RIMS2: variants seen among roughly 807,000 people sequenced by gnomAD.
RIMS2 encodes regulating synaptic membrane exocytosis 2, also known as regulating synaptic membrane exocytosis protein 2.
In RIMS2, 59 loss-of-function variants were observed where a neutral mutation model predicts 174.4. The ratio of observed to expected loss-of-function variants is 0.34; its 90% CI spans 0.27 to 0.42. RIMS2 has a LOEUF of 0.42. Among genes scored for constraint, RIMS2 ranks in the 10% least tolerant of loss-of-function variants. The pLI, the probability that RIMS2 is intolerant of heterozygous loss-of-function variation, is 1.00. For synonymous variants in RIMS2, 606 were observed against 572.5 expected (o/e 1.06, Z -0.84); for missense variants, 1,620 against 1,666.3 (o/e 0.97, Z 0.48).
At chr8:103,631,027 G>C (rs866383629) in intron 1 of RIMS2, among the ~76,000 whole-genome samples, 6 of 152,106 alleles carry the variant, frequency 3.9e-5, no homozygotes, top group Admixed American at 2.0e-4. Context: ...TTAGATCTTT[G>C]TCAGATGCAT....
chr8:104,173,686 T>C (rs2098846368), intron 19 of RIMS2, among the ~76,000 whole-genome samples: 1 of 124,232 alleles, frequency 8.0e-6, no homozygotes, highest in African/African-American at 3.1e-5. Context: ...TGGAGTGCAG[T>C]GGTGCGATCC....
chr8:103,858,676 CGTGT>C (rs1359547945), intron 3 of RIMS2, among the ~76,000 whole-genome samples: 1 of 143,632 alleles, frequency 7.0e-6, no homozygotes, highest in Non-Finnish European at 1.5e-5. Flanking sequence ...TATATATATA[CGTGT>C]GTGTGTATAT....
At chr8:104,199,693 C>G (rs1377029683) in intron 19 of RIMS2, among the ~76,000 whole-genome samples, 2 of 152,152 alleles carry the variant, frequency 1.3e-5, no homozygotes, top group Non-Finnish European at 2.9e-5. Context: ...TCTTGAAGGA[C>G]AGACAGTATA....
At chr8:103,928,883 A>G (rs1231646738) in intron 11 of RIMS2, among the ~76,000 whole-genome samples, 1 of 151,562 alleles carries the variant, frequency 6.6e-6, no homozygotes, top group African/African-American at 2.4e-5. Context: ...TGGGGGAATC[A>G]ACAGCTATAT....
intron 19 of RIMS2, among the ~76,000 whole-genome samples, chr8:104,051,054 C>T (rs949010349): frequency 4.6e-5 from 7 of 152,016 alleles, no homozygotes; most frequent in African/African-American, 1.7e-4. Context: ...CTGGACAACA[C>T]AGCAAGACCC....
chr8:103,783,045 G>A (rs144467762), intron 3 of RIMS2, among the ~76,000 whole-genome samples: 1 of 152,240 alleles, frequency 6.6e-6, no homozygotes, highest in Non-Finnish European at 1.5e-5. Flanking sequence ...GATCTCTGGA[G>A]GCTGAAATCA....
At position 103,712,703 on chromosome 8, in the gene RIMS2, A is replaced by G. The variant is rs566915937; in HGVS notation, c.387+15407A>G. ...CATCACCAAAACTGCAGGATGGTAA[A>G]ACAGACTGTAGATACAGAAACACAA... On this transcript the variant is annotated intron_variant, in intron 2 of 23. Transcript: ENST00000504942. Among the ~76,000 whole-genome samples the G allele has an allele frequency of 9.2e-5, 14 of 152,360 alleles. No individual in the cohort carries two copies. In the South Asian group the frequency reaches 2.5e-3, roughly 27 times the overall value.
chr8:104,151,177 A>G (rs912902855), intron 19 of RIMS2, among the ~76,000 whole-genome samples: 3 of 152,332 alleles, frequency 2.0e-5, no homozygotes, highest in African/African-American at 7.2e-5. Context: ...GACTGATTGG[A>G]TATGAGGAGG....
intron 1 of RIMS2, among the ~76,000 whole-genome samples, chr8:103,654,809 G>A (rs2135929055): frequency 6.6e-6 from 1 of 151,912 alleles, no homozygotes; most frequent in Admixed American, 6.6e-5. Context: ...TGAATTCCAG[G>A]TATTCATTTT....
chr8:104,052,428 G>A (rs1276898771), intron 19 of RIMS2, among the ~76,000 whole-genome samples: 1 of 152,078 alleles, frequency 6.6e-6, no homozygotes, highest in Non-Finnish European at 1.5e-5. Context: ...TCATGGGTGG[G>A]GTTAGCCTGC....
chr8:103,856,033 T>C (rs1173020192), intron 3 of RIMS2, among the ~76,000 whole-genome samples: 1 of 152,218 alleles, frequency 6.6e-6, no homozygotes, highest in Non-Finnish European at 1.5e-5. Context: ...TGAATCTGGG[T>C]GCTCCAAAAT....
chr8:104,160,028 A>G (rs902428188), intron 19 of RIMS2, among the ~76,000 whole-genome samples: 3 of 152,042 alleles, frequency 2.0e-5, no homozygotes, highest in Non-Finnish European at 4.4e-5. Context: ...AATCCCAGCT[A>G]CTTGGGAGGC....
intron 19 of RIMS2, among the ~76,000 whole-genome samples, chr8:104,159,832 GT>G (rs1378780423): frequency 6.6e-6 from 1 of 152,062 alleles, no homozygotes; most frequent in Non-Finnish European, 1.5e-5. Context: ...CTAGAAGCAG[GT>G]TTTTTCAATC....
At chr8:103,885,815 A>G (rs2099197468) in exon 4 of RIMS2, 3 of 1,612,820 alleles carry the variant, frequency 1.9e-6, no homozygotes, top group South Asian at 2.2e-5. Flanking sequence ...TGCCATGGAA[A>G]ATCAGCGATC....
chr8:103,945,123 A>G (rs2083409778), intron 14 of RIMS2, among the ~76,000 whole-genome samples: 3 of 152,078 alleles, frequency 2.0e-5, no homozygotes, highest in African/African-American at 7.2e-5. Context: ...ATCATATTTG[A>G]TAGAACATAC....
At chr8:104,249,038 C>T (rs572163222) in intron 21 of RIMS2, among the ~76,000 whole-genome samples, 3 of 151,662 alleles carry the variant, frequency 2.0e-5, no homozygotes, top group Admixed American at 6.6e-5. Flanking sequence ...AAGAAATCCT[C>T]CCACCTCATC....
At chr8:103,587,444 G>T (rs181426500) in intron 1 of RIMS2, among the ~76,000 whole-genome samples, 6 of 124,726 alleles carry the variant, frequency 4.8e-5, no homozygotes, top group Admixed American at 1.5e-4. Context: ...AAGAAAGAAA[G>T]AAAGAAAGAA....
chr8:104,143,625 C>A (rs536732653), intron 19 of RIMS2, among the ~76,000 whole-genome samples: 1 of 152,178 alleles, frequency 6.6e-6, no homozygotes, highest in East Asian at 1.9e-4. Context: ...TCTAATCTAC[C>A]AGGAATGCTA....
At chr8:103,818,719 G>A (rs1364512504) in intron 3 of RIMS2, among the ~76,000 whole-genome samples, 1 of 151,990 alleles carries the variant, frequency 6.6e-6, no homozygotes, top group Non-Finnish European at 1.5e-5. Flanking sequence ...TATGTATATA[G>A]CCTTTAGAAA....
Sources: allele counts gnomAD v4.1 joint callset (sites outside exome capture counted in the v4.1 genomes callset), GRCh38; gene constraint gnomAD v4.1.1; transcripts MANE v1.5; gene names NCBI Gene and HGNC (gene_info 2026-07-23, HGNC 2026-07-21).